The following RFT1 variants were observed in gnomAD, a reference collection of about 807,000 sequenced individuals.
The protein encoded by RFT1 is man(5)GlcNAc(2)-PP-dolichol translocation protein RFT1.
A neutral mutation model predicts 62.2 loss-of-function variants in RFT1; 43 were observed. The ratio of observed to expected loss-of-function variants is 0.69; its 90% CI spans 0.54 to 0.89. The LOEUF is 0.89. Among genes scored for constraint, RFT1 ranks in the 40% least tolerant of loss-of-function variants. RFT1 has a pLI of 0.00. For synonymous variants in RFT1, 262 were observed against 264.6 expected (o/e 0.99, Z 0.10); for missense variants, 605 against 649.9 (o/e 0.93, Z 0.75).
the RFT1 span, among the ~76,000 whole-genome samples, chr3:53,070,393 GTT>G: frequency 8.9e-4 from 76 of 85,444 alleles, 1 homozygote; most frequent in East Asian, 3.4e-3. Flanking sequence ...CTGTATTATG[GTT>G]TTTTTTTTTT....
chr3:53,100,672 C>T (rs560983466), intron 10 of RFT1, among the ~76,000 whole-genome samples: 8 of 152,146 alleles, frequency 5.3e-5, no homozygotes, highest in Non-Finnish European at 7.3e-5. Flanking sequence ...AATGCAAGAG[C>T]GCACATGCTG....
intron 6 of RFT1, among the ~76,000 whole-genome samples, chr3:53,119,170 C>T (rs146459410): frequency 3.3e-5 from 5 of 151,654 alleles, no homozygotes; most frequent in Admixed American, 6.6e-5. Flanking sequence ...GCTATGATCA[C>T]GCCACTATGG....
At chr3:53,086,347 G>A (rs1179415421), downstream of RFT1, among the ~76,000 whole-genome samples, 3 of 151,670 alleles carry the variant, frequency 2.0e-5, no homozygotes, top group African/African-American at 7.3e-5. Context: ...ACAGAGTCTC[G>A]CTCTGTCACC....
At chr3:53,076,196 G>A in the RFT1 span, among the ~76,000 whole-genome samples, 7,821 of 152,300 alleles carry the variant, frequency 0.051, 674 homozygotes, top group African/African-American at 0.18. Context: ...GTTGGCCCTT[G>A]AGCATAACTG....
chr3:53,071,003 T>C, the RFT1 span, among the ~76,000 whole-genome samples: 1 of 152,028 alleles, frequency 6.6e-6, no homozygotes, highest in Non-Finnish European at 1.5e-5. Context: ...AGTGCTGGGA[T>C]TACAGGCATG....
chr3:53,067,624 C>G, the RFT1 span, among the ~76,000 whole-genome samples: 13,237 of 152,194 alleles, frequency 0.087, 754 homozygotes, highest in South Asian at 0.24. Context: ...TTCATGATTG[C>G]TGTAGTGTAC....
the RFT1 span, among the ~76,000 whole-genome samples, chr3:53,074,126 G>T: frequency 6.6e-6 from 1 of 152,140 alleles, no homozygotes; most frequent in African/African-American, 2.4e-5. Context: ...CATCTGCCAG[G>T]ATCCCTACTG....
chr3:53,071,155 C>T, the RFT1 span, among the ~76,000 whole-genome samples: 2 of 152,074 alleles, frequency 1.3e-5, no homozygotes, highest in Non-Finnish European at 2.9e-5. Flanking sequence ...GCTGGGATTA[C>T]AGGCAGGAGA....
Position 53,092,040 on chromosome 3 carries a change from C to T in RFT1, c.1489G>A (p.Ala497Thr). Reference sequence around the variant, plus strand: ...CCCACAGCAATGTGTGCCAGTCTGGCTGGCCAGCCCTGCTCACAGCAGAGG... The same window carrying T: ...CCCACAGCAATGTGTGCCAGTCTGGTTGGCCAGCCCTGCTCACAGCAGAGG... ...VFLCCEQGWPARLAHIAVGAF... is the reference protein window; with the variant it reads ...VFLCCEQGWPTRLAHIAVGAF... The change falls in exon 13 of 13, where the codon GCC (alanine) becomes ACC (threonine). Residue 497 changes from alanine (A) to threonine (T), a missense_variant. Physicochemically the swap from Ala to Thr is moderately conservative, Grantham distance 58. Transcript: ENST00000296292. The T allele has an allele frequency of 6.2e-7, 1 of 1,614,264 alleles. No homozygotes were observed. Among genetic ancestry groups the T allele is most frequent in the Non-Finnish European group, 8.5e-7 (1 of 1,180,044 alleles).
intron 1 of RFT1, 127 bp from the exon 2 acceptor site, chr3:53,126,121 ACT>A: frequency 2.8e-6 from 2 of 719,758 alleles, no homozygotes; most frequent in Non-Finnish European, 4.9e-6. Flanking sequence ...TTTCATGGAG[ACT>A]CTCCTCTAAG....
intron 3 of RFT1, among the ~76,000 whole-genome samples, chr3:53,123,400 T>C (rs1702022712): frequency 6.6e-6 from 1 of 152,214 alleles, no homozygotes; most frequent in Non-Finnish European, 1.5e-5. Flanking sequence ...ATAAAAAAGA[T>C]GGCACAGGCC....
chr3:53,096,480 G>C (rs971728287), intron 11 of RFT1, among the ~76,000 whole-genome samples: 6 of 151,806 alleles, frequency 4.0e-5, no homozygotes, highest in Non-Finnish European at 5.9e-5. Flanking sequence ...TCAGGAGTTC[G>C]AGACCAGCCT....
At position 53,088,694 on chromosome 3, in the gene RFT1, T is replaced by C. The variant is rs1302535783; in HGVS notation, c.*3209A>G. 1 of 151,200 alleles carries C rather than the reference T, an allele frequency of 6.6e-6. No individual in the cohort carries two copies. The highest frequency in any genetic ancestry group is 2.4e-5 in the African/African-American group (1 of 40,976). 9.4% of individuals were successfully genotyped at this position (151,200 alleles called of 1,614,324 possible). ...AAAAAAAAATTAGAAATTAGCTGGG[T>C]GAGGTAGCACACACCTGTGATCCCA... On this transcript the variant is annotated 3_prime_UTR_variant, in exon 13 of 13. Transcript: ENST00000296292.
At chr3:53,072,256 A>G in the RFT1 span, among the ~76,000 whole-genome samples, 1 of 152,128 alleles carries the variant, frequency 6.6e-6, no homozygotes, top group Non-Finnish European at 1.5e-5. Context: ...GGGAGCCTGC[A>G]TGCAGGCTCA....
chr3:53,130,055 C>T (rs1173224189), intron 1 of RFT1, among the ~76,000 whole-genome samples: 1 of 152,236 alleles, frequency 6.6e-6, no homozygotes, highest in Non-Finnish European at 1.5e-5. Flanking sequence ...ACCCCCGCCA[C>T]CTGATCTAAT....
intron 6 of RFT1, among the ~76,000 whole-genome samples, chr3:53,118,812 G>A (rs918078184): frequency 3.3e-5 from 5 of 152,148 alleles, no homozygotes; most frequent in African/African-American, 7.2e-5. Flanking sequence ...GCCTGAGTGT[G>A]AAGGAATTGA....
At chr3:53,099,319 T>G (rs1476605108) in intron 11 of RFT1, 62 bp downstream of exon 11, 1 of 1,375,848 alleles carries the variant, frequency 7.3e-7, no homozygotes, top group Non-Finnish European at 1.0e-6. Context: ...GCAAAAAGCT[T>G]GACAAGTTAT....
the RFT1 span, among the ~76,000 whole-genome samples, chr3:53,082,192 C>G: frequency 6.6e-6 from 1 of 152,172 alleles, no homozygotes; most frequent in Non-Finnish European, 1.5e-5. Flanking sequence ...GAGGGAGGAA[C>G]TTGGCCAGCC....
the RFT1 span, among the ~76,000 whole-genome samples, chr3:53,079,974 C>T: frequency 5.6e-5 from 8 of 143,638 alleles, no homozygotes; most frequent in South Asian, 4.1e-4. Flanking sequence ...CACCGTGGCC[C>T]GGGCCTTGGA....
Sources: gnomAD v4.1 joint callset for allele counts (sites outside exome capture counted in the v4.1 genomes callset) on GRCh38, gnomAD v4.1.1 for gene constraint, MANE v1.5 for transcripts, NCBI Gene and HGNC (gene_info 2026-07-23, HGNC 2026-07-21) for gene names.